Variants in SCN11A observed in about 807,000 individuals in gnomAD.
SCN11A encodes sodium voltage-gated channel alpha subunit 11.
Under a neutral mutation model 162.2 loss-of-function variants are expected in SCN11A, and 122 were observed. The observed-to-expected ratio is 0.75, with a 90% CI of 0.65 to 0.87. The LOEUF is 0.87. SCN11A is among the 40% of genes least tolerant of loss of function. The pLI is 0.00. For synonymous variants in SCN11A, 758 were observed against 751.5 expected, an observed-to-expected ratio of 1.01 and a Z score of -0.14; for missense variants, 2,015 against 2,181.6, an observed-to-expected ratio of 0.92 and a Z score of 1.52.
In SCN11A at chr3:38,850,749, G is replaced by A. The variant is rs772597990; in HGVS notation, c.4059C>T (p.Asn1353=). 1.1e-5 allele frequency: 18 copies of A among 1,571,140 alleles called. No homozygotes were observed. The highest frequency in any genetic ancestry group is 1.6e-5 in the Non-Finnish European group (18 of 1,161,030). The change falls in exon 29 of 30, where the codon AAC becomes AAT. Residue 1353 remains asparagine, a splice_region_variant and synonymous_variant. Coordinates refer to ENST00000302328, the MANE Select transcript of SCN11A (RefSeq NM_001349253.2). ...KPQKPIPRPL[N]KCQGLVFDIV... is the part of the protein sequence containing the mutation. ...TGTCGAACACGAGACCTTGACATTT[G>A]TTCTGAGAAAAAAAAGAAATTATAA...
Position 38,847,245 on chromosome 3 carries a change from T to C in SCN11A, c.4825A>G (p.Thr1609Ala), listed in dbSNP as rs755516018. Residue 1609 changes from threonine to alanine, a missense_variant, in exon 30 of 30, where the codon ACA becomes GCA. Transcript: ENST00000302328. ...GGGTCCTCACTTTCTTCAGTGGCTG[T>C]ATTGAAGTTCTCTAAAATCACAGCA... Reference protein sequence around the residue: ...YIAVILENFNTATEESEDPLG... With the variant: ...YIAVILENFNAATEESEDPLG... 1.3e-4 allele frequency: 215 copies of C among 1,614,042 alleles called. 2 individuals are homozygous for C. In the South Asian group the frequency reaches 1.7e-3, roughly 13 times the overall value.
At chr3:38,950,063 A>AACCCCCCCTCC in intron 5 of SCN11A, 33 bp downstream of exon 5, 1 of 62,402 alleles carries the variant, frequency 1.6e-5, no homozygotes, top group South Asian at 2.1e-4. Flanking sequence ...GAACACCCCC[A>AACCCCCCCTCC]CCCCCACCCC....
chr3:38,994,312 G>A (rs1185852725), intron 2 of SCN11A, among the ~76,000 whole-genome samples: 1 of 152,196 alleles, frequency 6.6e-6, no homozygotes, highest in Admixed American at 6.5e-5. Flanking sequence ...ACCTGTAACA[G>A]GATGGTAAAA....
intron 2 of SCN11A, among the ~76,000 whole-genome samples, chr3:39,021,944 C>A (rs2031461748): frequency 6.6e-6 from 1 of 152,224 alleles, no homozygotes; most frequent in South Asian, 2.1e-4. Context: ...TGTTATACCC[C>A]CTCCCTGACT....
In SCN11A at chr3:38,847,411, C is replaced by A; in HGVS notation, c.4659G>T (p.Trp1553Cys). ...GCAGCATGGGGCTGAGCAGGGAATC[C>A]CAACCTGCTGATGTGCTTATCTGGA... ...CLFQISTSAG[W>C]DSLLSPMLRS... Residue 1553 changes from tryptophan (W) to cysteine (C), a missense_variant, in exon 30 of 30, where the codon TGG (tryptophan) becomes TGT (cysteine). Trp to Cys is a radical substitution (Grantham distance 215, BLOSUM62 -2). Coordinates refer to ENST00000302328, the MANE Select transcript of SCN11A (RefSeq NM_001349253.2). The A allele has an allele frequency of 6.2e-7, 1 of 1,614,036 alleles. No homozygotes were observed. The highest frequency in any genetic ancestry group is 8.5e-7 in the Non-Finnish European group (1 of 1,179,978).
rs2065140276 is a variant in SCN11A, at chr3:38,872,252, A to G, written c.3436T>C (p.Phe1146Leu). ...TLINLMELKS[F>L]RTLRALRPLR... ...GGCCTCAGTGCTCGTAGAGTCCGGA[A>G]GGACTTCAATTCCATTAAGTTAATG... The change falls in exon 24 of 30, where the codon TTC becomes CTC. Residue 1146 changes from phenylalanine to leucine, a missense_variant. By Grantham distance (22) the Phe-to-Leu change is conservative. Transcript: ENST00000302328. The G allele has an allele frequency of 6.2e-7, 1 of 1,610,350 alleles. No individual in the cohort carries two copies. Among genetic ancestry groups the G allele is most frequent in the African/African-American group, 1.3e-5 (1 of 74,812 alleles).
Position 38,950,264 on chromosome 3 carries a change from G to T in SCN11A, c.99C>A (p.Ile33=), listed in dbSNP as rs773374315. The T allele has an allele frequency of 6.8e-6, 11 of 1,613,968 alleles. No homozygotes were observed. The South Asian group carries it at 1.2e-4, about 18-fold the overall frequency. Residue 33 remains isoleucine (I), a synonymous_variant, in exon 5 of 30, where the codon ATC becomes ATA. Coordinates refer to ENST00000302328, the MANE Select transcript of SCN11A (RefSeq NM_001349253.2). ...SLAAIEKRIA[I]QKEKKKSKDQ... ...CTTTAGACTTCTTTTTCTCCTTTTG[G>T]ATGGCAATCCGCTTCTCAATTGCAG...
chr3:38,908,091 G>T lies in SCN11A; in HGVS notation c.1331C>A (p.Ser444Ter). Residue 444 changes from serine to a stop codon, truncating the protein, a stop_gained, in exon 14 of 30, where the codon TCA becomes TAA. Coordinates refer to ENST00000302328, the MANE Select transcript of SCN11A (RefSeq NM_001349253.2). LOFTEE classifies it high-confidence loss of function. ...ALVAMGIDRS[S>*]LTSLETSYFT... ...ATATGATGTTTCAAGGGAAGTAAGT[G>T]AACTTCTGTCAATTCCCATGGCAAC... The T allele has an allele frequency of 6.2e-7, 1 of 1,612,574 alleles. No homozygotes were observed. Among genetic ancestry groups the T allele is most frequent in the Non-Finnish European group, 8.5e-7 (1 of 1,179,686 alleles).
Position 38,871,398 on chromosome 3 carries a change from C to T in SCN11A, c.3759+47G>A, listed in dbSNP as rs954606340. 3.1e-5 allele frequency: 47 copies of T among 1,512,326 alleles called. No homozygotes were observed. In the Admixed American group the frequency reaches 1.0e-3, roughly 33 times the overall value. The allele number at this position is 1,512,326 out of a possible 1,614,324, so 93.7% of individuals were successfully genotyped here. A position where few individuals can be genotyped will look rare whatever the true frequency, so the allele number is the denominator to read the frequency against. On this transcript the variant is annotated intron_variant, in intron 25 of 29. Transcript: ENST00000302328. The stretch of plus-strand genomic sequence containing the variant: ...TAGCTGAGAAACAATTCATGATTCT[C>T]TGAAGGTTTTTCTCCTCAGAGTGAA...
At chr3:39,028,966 T>C (rs1473521865) in intron 2 of SCN11A, among the ~76,000 whole-genome samples, 2 of 152,250 alleles carry the variant, frequency 1.3e-5, no homozygotes, top group South Asian at 2.1e-4. Flanking sequence ...GGACAAGTCA[T>C]ATTCAAGCCA....
chr3:39,005,954 A>C (rs2125600518), intron 2 of SCN11A, among the ~76,000 whole-genome samples: 1 of 152,256 alleles, frequency 6.6e-6, no homozygotes, highest in South Asian at 2.1e-4. Context: ...GAGATTTCTA[A>C]ATCATTATTT....
At chr3:39,016,518 T>C (rs998581360) in intron 2 of SCN11A, among the ~76,000 whole-genome samples, 1 of 152,322 alleles carries the variant, frequency 6.6e-6, no homozygotes, top group Non-Finnish European at 1.5e-5. Flanking sequence ...TAGTGCATCA[T>C]GTAGTAGTGA....
intron 29 of SCN11A, 180 bp downstream of exon 29, chr3:38,850,301 C>G: frequency 1.7e-6 from 1 of 596,872 alleles, no homozygotes; most frequent in Non-Finnish European, 2.9e-6. Context: ...AGAAATTACT[C>G]TCTATCTCCT....
In SCN11A at chr3:38,886,154, G is replaced by A. The variant is rs1422920080; in HGVS notation, c.2920C>T (p.Pro974Ser). 1.2e-6 allele frequency: 2 copies of A among 1,611,872 alleles called. No individual in the cohort carries two copies. Among genetic ancestry groups the A allele is most frequent in the Non-Finnish European group, 1.7e-6 (2 of 1,178,824 alleles). Residue 974 changes from proline (P) to serine (S), a missense_variant, in exon 20 of 30, where the codon CCT (proline) becomes TCT (serine). Transcript: ENST00000302328. ...CGGGGATCCTGTATGGTCAGATGAG[G>A]CTCATCTTCAGAGAACATGTCAATT... ...VEIDMFSEDE[P>S]HLTIQDPRKK...
At chr3:39,049,552 A>G (rs192935358) in intron 1 of SCN11A, among the ~76,000 whole-genome samples, 4 of 152,214 alleles carry the variant, frequency 2.6e-5, no homozygotes, top group African/African-American at 7.2e-5. Flanking sequence ...ACTTGCCTAC[A>G]TGTGACTGGC....
chr3:39,016,736 G>A (rs1986524), intron 2 of SCN11A, among the ~76,000 whole-genome samples: 2,128 of 152,114 alleles, frequency 0.014, 18 homozygotes, highest in Non-Finnish European at 0.018. Context: ...CCAAGTAGCT[G>A]GGATTACAGG....
rs138034948 is a variant in SCN11A at position 38,909,187 on chromosome 3, C to A, written c.1109G>T (p.Arg370Leu). Residue 370 changes from arginine (R) to leucine (L), a missense_variant, in exon 13 of 30, where the codon CGT becomes CTT. By Grantham distance (102) the Arg-to-Leu change is moderately radical. Coordinates refer to ENST00000302328, the MANE Select transcript of SCN11A (RefSeq NM_001349253.2). ...SWEKLYQQTL[R>L]TTGLYSVFFF... ...GAAGACTGAGTAGAGCCCAGTAGTA[C>A]GCAGGGTCTGCAAAGGACAGAGCAT... 1.2e-6 allele frequency: 2 copies of A among 1,613,946 alleles called. No individual in the cohort carries two copies. The highest frequency in any genetic ancestry group is 1.7e-5 in the Admixed American group (1 of 59,988).
At chr3:38,917,088 G>C (rs575256043) in intron 11 of SCN11A, among the ~76,000 whole-genome samples, 1 of 152,188 alleles carries the variant, frequency 6.6e-6, no homozygotes, top group Non-Finnish European at 1.5e-5. Flanking sequence ...TTGATCATTA[G>C]AGAAATACAA....
intron 23 of SCN11A, among the ~76,000 whole-genome samples, chr3:38,878,560 C>T (rs186824060): frequency 1.2e-4 from 18 of 152,122 alleles, no homozygotes; most frequent in Admixed American, 7.2e-4. Context: ...TAAGATAATA[C>T]GTACAGAGTT....
Sources: allele counts gnomAD v4.1 joint callset (sites outside exome capture counted in the v4.1 genomes callset), GRCh38; gene constraint gnomAD v4.1.1; transcripts MANE v1.5; gene names NCBI Gene and HGNC (gene_info 2026-07-23, HGNC 2026-07-21).